CCDC125: variants seen among roughly 807,000 people sequenced by gnomAD.
CCDC125 encodes the protein coiled-coil domain containing 125.
A neutral mutation model predicts 57.4 loss-of-function variants in CCDC125; 43 were observed. That is an observed-to-expected ratio of 0.75 (90% CI 0.59 to 0.97). The LOEUF is 0.97. Among genes scored for constraint, CCDC125 ranks in the 50% least tolerant of loss-of-function variants. The pLI is 0.00. For synonymous variants in CCDC125, 187 were observed against 195.2 expected (o/e 0.96, Z 0.35); for missense variants, 563 against 595.7 (o/e 0.95, Z 0.57).
At chr5:69,285,188 A>C in intron 11 of CCDC125, 149 bp downstream of exon 11, 1 of 562,836 alleles carries the variant, frequency 1.8e-6, no homozygotes, top group Non-Finnish European at 3.0e-6. Flanking sequence ...ATATATATAT[A>C]TCAAAAAGAT....
chr5:69,299,441 C>T (rs191915384), intron 8 of CCDC125, among the ~76,000 whole-genome samples: 44 of 152,296 alleles, frequency 2.9e-4, no homozygotes, highest in African/African-American at 1.0e-3. Context: ...CATGGCTGCC[C>T]CCTATCACTC....
intron 2 of CCDC125, among the ~76,000 whole-genome samples, chr5:69,317,574 T>C (rs1201805597): frequency 6.6e-6 from 1 of 152,174 alleles, no homozygotes; most frequent in East Asian, 1.9e-4. Flanking sequence ...TGAGGGGAAG[T>C]TTCAGAAGAG....
chr5:69,301,709 TGG>T (rs1756475569), intron 7 of CCDC125, among the ~76,000 whole-genome samples: 2 of 149,638 alleles, frequency 1.3e-5, no homozygotes, highest in Non-Finnish European at 3.0e-5. Context: ...CACTCTAGCC[TGG>T]GTGACAGAGT....
chr5:69,296,834 G>A (rs564778671), intron 8 of CCDC125, among the ~76,000 whole-genome samples: 1 of 149,520 alleles, frequency 6.7e-6, no homozygotes, highest in East Asian at 2.1e-4. Context: ...CATGGTGGTG[G>A]GTGCCTGTAA....
chr5:69,290,635 T>C (rs1361630525), intron 10 of CCDC125, among the ~76,000 whole-genome samples: 16 of 146,218 alleles, frequency 1.1e-4, no homozygotes, highest in African/African-American at 3.8e-4. Flanking sequence ...TTTTCTTTTT[T>C]TTTTTTTTTT....
intron 2 of CCDC125, among the ~76,000 whole-genome samples, chr5:69,315,620 T>C (rs1165753357): frequency 6.6e-6 from 1 of 151,312 alleles, no homozygotes; most frequent in Non-Finnish European, 1.5e-5. Flanking sequence ...TAGCCGGGCA[T>C]GGTGGCGGGC....
chr5:69,285,295 T>C (rs770757227), intron 11 of CCDC125, 42 bp downstream of exon 11: 2 of 1,603,118 alleles, frequency 1.2e-6, no homozygotes, highest in East Asian at 2.2e-5. Context: ...TTGGACAAGC[T>C]TGGCTTAACC....
At chr5:69,299,100 GTTCT>G (rs1435906782) in intron 8 of CCDC125, among the ~76,000 whole-genome samples, 13 of 142,260 alleles carry the variant, frequency 9.1e-5, no homozygotes, top group African/African-American at 3.0e-4. Context: ...TTTTTCTTAA[GTTCT>G]TTCTTTCTTT....
intron 9 of CCDC125, among the ~76,000 whole-genome samples, chr5:69,292,565 C>T (rs1754625968): frequency 6.6e-6 from 1 of 152,176 alleles, no homozygotes; most frequent in African/African-American, 2.4e-5. Context: ...ATCAGTTTCC[C>T]TTGTGGTGCC....
chr5:69,307,123 A>G (rs1429289064), intron 5 of CCDC125, among the ~76,000 whole-genome samples: 2 of 152,152 alleles, frequency 1.3e-5, no homozygotes. Flanking sequence ...ATATAGAAAA[A>G]ATTTCAAATT....
intron 9 of CCDC125, among the ~76,000 whole-genome samples, 188 bp downstream of exon 9, chr5:69,294,605 A>T (rs1352796142): frequency 6.6e-6 from 1 of 152,212 alleles, no homozygotes; most frequent in Non-Finnish European, 1.5e-5. Context: ...AAGTACTATT[A>T]ATATTTGTAT....
Position 69,282,788 on chromosome 5 carries a change from CTATT to C in CCDC125, c.1473_1476del (p.Asp493GlnfsTer47). ...CTTTTAAGAGTTCTATAGTTTGGATCTATTTGAGAGTGCTGGATTGAACAAATGC... is the reference window on the plus strand; with the variant it reads ...CTTTTAAGAGTTCTATAGTTTGGATCTGAGAGTGCTGGATTGAACAAATGC... On this transcript the variant is annotated frameshift_variant, in exon 12 of 12. Transcript: ENST00000396496. LOFTEE classifies it high-confidence loss of function. The C allele has an allele frequency of 6.2e-7, 1 of 1,613,214 alleles. No individual in the cohort carries two copies. Among genetic ancestry groups the C allele is most frequent in the Non-Finnish European group, 8.5e-7 (1 of 1,179,838 alleles).
At chr5:69,304,909 G>A in intron 6 of CCDC125, among the ~76,000 whole-genome samples, 1 of 152,042 alleles carries the variant, frequency 6.6e-6, no homozygotes, top group East Asian at 1.9e-4. Flanking sequence ...GGGTAATAAT[G>A]ATGTATCAAC....
intron 6 of CCDC125, among the ~76,000 whole-genome samples, chr5:69,305,035 A>T (rs1757110807): frequency 1.4e-5 from 2 of 141,982 alleles, no homozygotes; most frequent in East Asian, 2.0e-4. Flanking sequence ...CAACTGCTCT[A>T]AAAAAAAAAA....
chr5:69,287,944 C>T (rs1753785563), intron 10 of CCDC125, among the ~76,000 whole-genome samples: 1 of 152,110 alleles, frequency 6.6e-6, no homozygotes, highest in Non-Finnish European at 1.5e-5. Context: ...GAGCTATACC[C>T]CTCTGAATTG....
chr5:69,287,893 C>T (rs1753777013), intron 10 of CCDC125, among the ~76,000 whole-genome samples: 1 of 152,122 alleles, frequency 6.6e-6, no homozygotes, highest in South Asian at 2.1e-4. Context: ...AAAATTCTGC[C>T]TTCAGTCTCT....
chr5:69,316,220 A>G (rs1343211911), intron 2 of CCDC125, among the ~76,000 whole-genome samples: 1 of 152,242 alleles, frequency 6.6e-6, no homozygotes, highest in Non-Finnish European at 1.5e-5. Flanking sequence ...TGATGTCCAC[A>G]TGCCAATTCC....
chr5:69,274,357 C>T, the CCDC125 span, among the ~76,000 whole-genome samples: 142 of 152,166 alleles, frequency 9.3e-4, no homozygotes, highest in African/African-American at 3.3e-3. Flanking sequence ...AGCTGTAGGC[C>T]GGTGCATCGG....
chr5:69,321,454 T>C (rs1760009042), intron 1 of CCDC125, among the ~76,000 whole-genome samples: 1 of 152,230 alleles, frequency 6.6e-6, no homozygotes. Context: ...CCATAGAGCA[T>C]ACATACACAA....
Sources: gnomAD v4.1 joint callset for allele counts (sites outside exome capture counted in the v4.1 genomes callset) on GRCh38, gnomAD v4.1.1 for gene constraint, MANE v1.5 for transcripts, NCBI Gene and HGNC (gene_info 2026-07-23, HGNC 2026-07-21) for gene names.